LRP1B: variants seen among roughly 807,000 people sequenced by gnomAD.
The protein encoded by LRP1B is LDL receptor related protein 1B.
In LRP1B, 217 loss-of-function variants were observed where a neutral mutation model predicts 556.6. The ratio of observed to expected loss-of-function variants is 0.39; its 90% CI spans 0.35 to 0.44. The LOEUF is 0.44. LRP1B is among the 20% of genes least tolerant of loss of function. LRP1B has a pLI of 1.00. For missense variants in LRP1B, 5,053 were observed against 5,620.8 expected, an observed-to-expected ratio of 0.90 and a Z score of 3.23; for synonymous variants, 2,047 against 1,865.8, an observed-to-expected ratio of 1.10 and a Z score of -2.50.
intron 2 of LRP1B, among the ~76,000 whole-genome samples, chr2:141,590,258 T>C (rs1355449017): frequency 6.6e-6 from 1 of 152,164 alleles, no homozygotes; most frequent in Non-Finnish European, 1.5e-5. Context: ...TTAGATAACA[T>C]GAAACATATG....
chr2:140,277,632 A>C (rs1682734241), intron 84 of LRP1B, among the ~76,000 whole-genome samples: 1 of 151,856 alleles, frequency 6.6e-6, no homozygotes, highest in Admixed American at 6.6e-5. Context: ...ATAAATAATA[A>C]AAAATAAAAT....
At chr2:140,808,883 A>T (rs1690820685) in intron 32 of LRP1B, among the ~76,000 whole-genome samples, 1 of 152,132 alleles carries the variant, frequency 6.6e-6, no homozygotes, top group Non-Finnish European at 1.5e-5. Flanking sequence ...TTCAAACACC[A>T]CTAGAAAACC....
At chr2:140,308,043 A>T (rs974881136) in intron 83 of LRP1B, among the ~76,000 whole-genome samples, 1 of 151,988 alleles carries the variant, frequency 6.6e-6, no homozygotes. Context: ...TAATAATTTT[A>T]GAGTAAAATT....
At chr2:140,551,603 G>T (rs913383011) in intron 43 of LRP1B, among the ~76,000 whole-genome samples, 4 of 152,112 alleles carry the variant, frequency 2.6e-5, no homozygotes, top group African/African-American at 9.7e-5. Context: ...TTTAAAGCAG[G>T]TTAATGTCAT....
chr2:142,088,084 A>AT (rs1706014206), intron 1 of LRP1B, among the ~76,000 whole-genome samples: 1 of 152,284 alleles, frequency 6.6e-6, no homozygotes, highest in Non-Finnish European at 1.5e-5. Context: ...TTGACACTTA[A>AT]TTTTTTAATA....
chr2:140,633,062 C>CA lies in LRP1B; in HGVS notation c.6800-31424dup, dbSNP rs1342006327. On this transcript the variant is annotated intron_variant, in intron 41 of 90. Coordinates refer to ENST00000389484, the MANE Select transcript of LRP1B (RefSeq NM_018557.3). ...TGGGTGACAGAATGAGATTCAGTCT[C>CA]AAAAAAAAGAAAAAAAAAAGAAAAG... 5.4e-3 allele frequency among the ~76,000 whole-genome samples: 599 copies of CA among 111,870 alleles called. 3 individuals are homozygous for CA. The highest frequency in any genetic ancestry group is 0.016 in the African/African-American group (450 of 28,364). 73.4% of individuals were successfully genotyped at this position (111,870 alleles called of 152,430 possible).
intron 2 of LRP1B, among the ~76,000 whole-genome samples, chr2:141,694,665 A>T (rs574392085): frequency 1.3e-5 from 2 of 151,982 alleles, no homozygotes; most frequent in African/African-American, 4.8e-5. Context: ...AAAAAGCACA[A>T]TTTTCTCTTT....
intron 3 of LRP1B, among the ~76,000 whole-genome samples, chr2:141,477,412 GGGC>G: frequency 6.6e-6 from 1 of 152,074 alleles, no homozygotes; most frequent in African/African-American, 2.4e-5. Flanking sequence ...AGACTTGATG[GGGC>G]TGGTTCCTAA....
intron 80 of LRP1B, 36 bp from the exon 81 acceptor site, chr2:140,324,102 T>G: frequency 7.4e-7 from 1 of 1,347,688 alleles, no homozygotes; most frequent in Non-Finnish European, 1.1e-6. Flanking sequence ...AAAGTTTTAA[T>G]GTATATACTC....
At chr2:140,950,721 G>T (rs1387346830) in intron 19 of LRP1B, among the ~76,000 whole-genome samples, 1 of 151,954 alleles carries the variant, frequency 6.6e-6, no homozygotes, top group Non-Finnish European at 1.5e-5. Context: ...CAAACTCTTG[G>T]CCTCAAGCAA....
At chr2:141,712,405 C>T (rs977571501) in intron 2 of LRP1B, among the ~76,000 whole-genome samples, 2 of 151,864 alleles carry the variant, frequency 1.3e-5, no homozygotes, top group African/African-American at 2.4e-5. Context: ...AGCCACAGAC[C>T]TAGTTATTAA....
At chr2:141,810,204 T>G (rs1696313916) in intron 2 of LRP1B, 75 bp downstream of exon 2, 3 of 1,395,058 alleles carry the variant, frequency 2.2e-6, no homozygotes, top group East Asian at 2.3e-5. Context: ...AGAACAGCAG[T>G]CATCTGTGAA....
At chr2:141,304,878 C>T (rs1278595834) in intron 3 of LRP1B, among the ~76,000 whole-genome samples, 1 of 152,108 alleles carries the variant, frequency 6.6e-6, no homozygotes, top group Non-Finnish European at 1.5e-5. Context: ...CTTGATGTTT[C>T]TTCTTAGCAC....
intron 3 of LRP1B, among the ~76,000 whole-genome samples, chr2:141,376,589 G>C (rs1229385192): frequency 6.6e-6 from 1 of 151,974 alleles, no homozygotes; most frequent in East Asian, 1.9e-4. Context: ...CTTGCAATCT[G>C]TTTTTAGATG....
At chr2:140,963,739 G>C (rs115596362) in intron 18 of LRP1B, among the ~76,000 whole-genome samples, 4,095 of 152,018 alleles carry the variant, frequency 0.027, 154 homozygotes, top group African/African-American at 0.087. Flanking sequence ...GGCAGATCCC[G>C]TAAGGTCAGG....
intron 83 of LRP1B, among the ~76,000 whole-genome samples, chr2:140,304,095 T>A (rs1425825223): frequency 6.6e-6 from 1 of 152,208 alleles, no homozygotes; most frequent in Non-Finnish European, 1.5e-5. Flanking sequence ...GTCTTTGCTA[T>A]TGTGAATAGT....
chr2:141,472,526 G>A (rs1442362149), intron 3 of LRP1B, among the ~76,000 whole-genome samples: 1 of 152,080 alleles, frequency 6.6e-6, no homozygotes, highest in Non-Finnish European at 1.5e-5. Context: ...GGTGACAAGA[G>A]CAAGACTCCA....
chr2:142,056,047 A>G lies in LRP1B; in HGVS notation c.82+74601T>C, dbSNP rs563538027. Among the ~76,000 whole-genome samples the G allele has an allele frequency of 8.3e-4, 126 of 152,080 alleles. 1 individual carries two copies. The highest frequency in any genetic ancestry group is 1.6e-3 in the Non-Finnish European group (107 of 68,012). On this transcript the variant is annotated intron_variant, in intron 1 of 90. Transcript: ENST00000389484. ...ATGCCTGTAATCCCAGCTACTAGGG[A>G]GGTTGAGGCACAAGAATCACATGAA...
At chr2:140,776,058 C>T (rs745951591) in intron 33 of LRP1B, 40 bp downstream of exon 33, 19 of 1,452,940 alleles carry the variant, frequency 1.3e-5, no homozygotes, top group Non-Finnish European at 1.7e-5. Flanking sequence ...GAGCACATTA[C>T]GTATTCAAGA....
Sources: allele counts gnomAD v4.1 joint callset (sites outside exome capture counted in the v4.1 genomes callset), GRCh38; gene constraint gnomAD v4.1.1; transcripts MANE v1.5; gene names NCBI Gene and HGNC (gene_info 2026-07-23, HGNC 2026-07-21).